DPP10: variants seen among roughly 807,000 people sequenced by gnomAD.
DPP10 encodes the protein dipeptidyl peptidase like 10.
DPP10 carries 33 observed loss-of-function variants against 120.9 expected under a neutral mutation model. The observed-to-expected ratio is 0.27, with a 90% CI of 0.21 to 0.37. The LOEUF is 0.37. Ranked by LOEUF, DPP10 falls within the 10% of genes least tolerant of loss-of-function variation. The pLI is 1.00. For missense variants in DPP10, 816 were observed against 942.8 expected, an observed-to-expected ratio of 0.87 and a Z score of 1.76; for synonymous variants, 337 against 326.1, an observed-to-expected ratio of 1.03 and a Z score of -0.36.
rs534859565 is a variant in DPP10 at position 115,575,581 on chromosome 2, C to T, written c.441+49609C>T. ...AATTCAATTTGTGTTCAGAACTGCC[C>T]GAAGCAGAATTTCATACATCACCAG... On this transcript the variant is annotated intron_variant, in intron 5 of 25. Coordinates refer to ENST00000410059, the MANE Select transcript of DPP10 (RefSeq NM_020868.6). Among the ~76,000 whole-genome samples the T allele has an allele frequency of 2.0e-4, 31 of 152,216 alleles. 1 individual carries two copies. Among genetic ancestry groups the T allele is most frequent in the Admixed American group, 1.2e-3 (18 of 15,288 alleles).
chr2:115,226,274 A>T (rs998686745), intron 1 of DPP10, among the ~76,000 whole-genome samples: 1 of 152,110 alleles, frequency 6.6e-6, no homozygotes, highest in African/African-American at 2.4e-5. Context: ...TAAGAAACTT[A>T]ATTACCTATA....
Position 114,496,099 on chromosome 2 carries a change from T to C in DPP10, c.60+53261T>C, listed in dbSNP as rs1682493704. 2.0e-5 allele frequency among the ~76,000 whole-genome samples: 3 copies of C among 152,092 alleles called. No individual in the cohort carries two copies. The South Asian group carries it at 6.2e-4, about 32-fold the overall frequency. On this transcript the variant is annotated intron_variant, in intron 1 of 25. Coordinates refer to ENST00000410059, the MANE Select transcript of DPP10 (RefSeq NM_020868.6). Reference sequence around the variant, plus strand: ...CCAAACAAGTACTGAAGGACTAGATTTGAGATTTTACAGAGCTAGTTATGA... The same window carrying C: ...CCAAACAAGTACTGAAGGACTAGATCTGAGATTTTACAGAGCTAGTTATGA...
chr2:115,328,153 T>C (rs188938615), intron 2 of DPP10, among the ~76,000 whole-genome samples: 3 of 152,170 alleles, frequency 2.0e-5, no homozygotes, highest in Admixed American at 1.3e-4. Flanking sequence ...AACTTAAATA[T>C]GACTTTATAG....
intron 5 of DPP10, among the ~76,000 whole-genome samples, chr2:115,625,766 C>G (rs2085309270): frequency 6.6e-6 from 1 of 151,814 alleles, no homozygotes; most frequent in Non-Finnish European, 1.5e-5. Flanking sequence ...TGAAAACTAC[C>G]TAAGGTGCTC....
At chr2:115,013,317 T>G (rs1191033627) in intron 1 of DPP10, among the ~76,000 whole-genome samples, 1 of 152,216 alleles carries the variant, frequency 6.6e-6, no homozygotes, top group Non-Finnish European at 1.5e-5. Flanking sequence ...ATGTTGAATA[T>G]TGGCCCCCAC....
At chr2:114,808,848 ATTC>A (rs1684955545) in intron 1 of DPP10, among the ~76,000 whole-genome samples, 1 of 152,056 alleles carries the variant, frequency 6.6e-6, no homozygotes, top group Non-Finnish European at 1.5e-5. Context: ...TATAAAATGC[ATTC>A]CACTCCCCAC....
chr2:115,000,703 A>AT (rs1558973572), intron 1 of DPP10, among the ~76,000 whole-genome samples: 1 of 152,174 alleles, frequency 6.6e-6, no homozygotes, highest in East Asian at 1.9e-4. Flanking sequence ...CAATAGCGCT[A>AT]TAAAACAGTA....
At chr2:115,091,899 G>A (rs994714956) in intron 1 of DPP10, among the ~76,000 whole-genome samples, 7 of 152,136 alleles carry the variant, frequency 4.6e-5, no homozygotes, top group African/African-American at 1.2e-4. Context: ...TCACAGTGGA[G>A]CTCTAGAATC....
chr2:114,807,072 T>C (rs1574235241), intron 1 of DPP10, among the ~76,000 whole-genome samples: 1 of 152,204 alleles, frequency 6.6e-6, no homozygotes, highest in South Asian at 2.1e-4. Flanking sequence ...TTTTTTAAGT[T>C]ACGTAACATA....
At chr2:114,590,135 A>C (rs1008220999) in intron 1 of DPP10, among the ~76,000 whole-genome samples, 3 of 152,170 alleles carry the variant, frequency 2.0e-5, no homozygotes, top group African/African-American at 7.2e-5. Flanking sequence ...AAATAATTGC[A>C]GCACAATTTA....
At chr2:115,527,344 C>T (rs1177703927) in intron 5 of DPP10, among the ~76,000 whole-genome samples, 3 of 152,008 alleles carry the variant, frequency 2.0e-5, no homozygotes, top group Admixed American at 2.0e-4. Context: ...AAAAAGCCCA[C>T]AAAAAACAAA....
At chr2:115,392,175 G>A (rs77759120) in intron 3 of DPP10, among the ~76,000 whole-genome samples, 3 of 148,172 alleles carry the variant, frequency 2.0e-5, no homozygotes, top group Admixed American at 7.0e-5. Context: ...TCAAAGTCTC[G>A]TATTTTTATG....
At chr2:114,833,113 GTATT>G (rs1179654125) in intron 1 of DPP10, among the ~76,000 whole-genome samples, 2 of 151,870 alleles carry the variant, frequency 1.3e-5, no homozygotes, top group African/African-American at 4.8e-5. Context: ...TCATTTAACT[GTATT>G]TATCTATGGC....
At chr2:115,433,572 T>G in intron 3 of DPP10, among the ~76,000 whole-genome samples, 1 of 151,346 alleles carries the variant, frequency 6.6e-6, no homozygotes, top group East Asian at 1.9e-4. Context: ...TGTGACACAG[T>G]TTTTTTTTCT....
intron 1 of DPP10, among the ~76,000 whole-genome samples, chr2:114,488,707 A>C (rs1681727090): frequency 6.6e-6 from 1 of 152,212 alleles, no homozygotes; most frequent in Admixed American, 6.5e-5. Flanking sequence ...TGTGCAGAAG[A>C]CATTTTGGAA....
chr2:115,438,313 G>A (rs922538780), intron 3 of DPP10, among the ~76,000 whole-genome samples: 11 of 152,088 alleles, frequency 7.2e-5, no homozygotes, highest in Admixed American at 7.2e-4. Flanking sequence ...GGAAGAAATG[G>A]TGCTTCCTCA....
chr2:114,958,911 A>C lies in DPP10; in HGVS notation c.61-350328A>C, dbSNP rs535174699. ...CAGGGTTAAAAAAAGGGGGTAACTC[A>C]TTGATGTAGATCACTCTATTATTTC... On this transcript the variant is annotated intron_variant, in intron 1 of 25. Coordinates refer to ENST00000410059, the MANE Select transcript of DPP10 (RefSeq NM_020868.6). Among the ~76,000 whole-genome samples, 3 of 152,328 alleles carry C rather than the reference A, an allele frequency of 2.0e-5. No individual in the cohort carries two copies. The East Asian group carries it at 5.8e-4, about 29-fold the overall frequency.
At position 114,780,728 on chromosome 2, in the gene DPP10, T is replaced by C. The variant is rs945726354; in HGVS notation, c.60+337890T>C. 3.6e-4 allele frequency among the ~76,000 whole-genome samples: 55 copies of C among 152,236 alleles called. 2 individuals are homozygous for C. The highest frequency in any genetic ancestry group is 1.3e-3 in the African/African-American group (53 of 41,570). ...GCATTTAAGATATCTTAAATGTTTA[T>C]CTAGTTGATTGGTTGATTTATTGAC... On this transcript the variant is annotated intron_variant, in intron 1 of 25. Transcript: ENST00000410059.
At chr2:115,041,161 C>G (rs1281685036) in intron 1 of DPP10, among the ~76,000 whole-genome samples, 1 of 151,726 alleles carries the variant, frequency 6.6e-6, no homozygotes, top group African/African-American at 2.4e-5. Context: ...TCTCCCCAGC[C>G]ATGCTTCCTG....
Sources: allele counts gnomAD v4.1 joint callset (sites outside exome capture counted in the v4.1 genomes callset), GRCh38; gene constraint gnomAD v4.1.1; transcripts MANE v1.5; gene names NCBI Gene and HGNC (gene_info 2026-07-23, HGNC 2026-07-21).